UPP2: variants seen among roughly 807,000 people sequenced by gnomAD.
UPP2 encodes uridine phosphorylase 2.
A neutral mutation model predicts 26.7 loss-of-function variants in UPP2; 23 were observed. That is an observed-to-expected ratio of 0.86 (90% confidence interval 0.62 to 1.22). The LOEUF is 1.22. UPP2 is among the 50% of genes most tolerant of loss of function. UPP2 has a pLI of 0.00. For missense variants in UPP2, 387 were observed against 396.7 expected, an observed-to-expected ratio of 0.98 and a Z score of 0.21; for synonymous variants, 127 against 141.3, an observed-to-expected ratio of 0.90 and a Z score of 0.72.
At chr2:158,023,633 G>A (rs142601175) in intron 3 of UPP2, among the ~76,000 whole-genome samples, 1 of 152,224 alleles carries the variant, frequency 6.6e-6, no homozygotes, top group Non-Finnish European at 1.5e-5. Context: ...GGGACATGGA[G>A]CTTTGGGGTG....
intron 2 of UPP2, among the ~76,000 whole-genome samples, chr2:158,111,233 A>G (rs1683313334): frequency 6.6e-6 from 1 of 152,124 alleles, no homozygotes; most frequent in Non-Finnish European, 1.5e-5. Flanking sequence ...GAGTTTATTA[A>G]TACTTTATTT....
intron 2 of UPP2, among the ~76,000 whole-genome samples, chr2:158,013,861 T>C (rs984846172): frequency 1.7e-4 from 26 of 152,214 alleles, no homozygotes; most frequent in Admixed American, 1.6e-3. Flanking sequence ...CCAGGGGTTT[T>C]GTTTTCTTGT....
intron 2 of UPP2, among the ~76,000 whole-genome samples, chr2:157,996,739 C>A (rs1683329447): frequency 6.6e-6 from 1 of 152,010 alleles, no homozygotes; most frequent in Non-Finnish European, 1.5e-5. Context: ...CTTTAGGGGA[C>A]ACATATCGAT....
At chr2:158,120,368 A>G (rs1171110783) in intron 4 of UPP2, among the ~76,000 whole-genome samples, 2 of 152,088 alleles carry the variant, frequency 1.3e-5, no homozygotes, top group Non-Finnish European at 1.5e-5. Context: ...CAAAGACAGG[A>G]TTTGGTTTAT....
chr2:158,123,301 G>T lies in UPP2; in HGVS notation c.665-448G>T, dbSNP rs142014002. 1.7e-3 allele frequency among the ~76,000 whole-genome samples: 260 copies of T among 152,216 alleles called. 2 individuals are homozygous for T. Among genetic ancestry groups the T allele is most frequent in the African/African-American group, 5.9e-3 (243 of 41,532 alleles). On this transcript the variant is annotated intron_variant, in intron 5 of 6. Coordinates refer to ENST00000005756, the MANE Select transcript of UPP2 (RefSeq NM_173355.4). Reference sequence around the variant, plus strand: ...ATGTCGCAAAGGCATATGGAGAGGCGCAATGTCCAAACACTGTCCTGATCC... The same window carrying T: ...ATGTCGCAAAGGCATATGGAGAGGCTCAATGTCCAAACACTGTCCTGATCC...
chr2:158,088,833 C>A (rs1047632764), intron 3 of UPP2, among the ~76,000 whole-genome samples: 1 of 152,208 alleles, frequency 6.6e-6, no homozygotes, highest in African/African-American at 2.4e-5. Flanking sequence ...TGATGTGGAC[C>A]GTCTTCAGGT....
intron 4 of UPP2, among the ~76,000 whole-genome samples, chr2:158,118,882 A>G (rs1315293125): frequency 6.6e-6 from 1 of 152,072 alleles, no homozygotes; most frequent in Non-Finnish European, 1.5e-5. Context: ...GAAATCAGAC[A>G]TGTTGGAAAA....
intron 3 of UPP2, among the ~76,000 whole-genome samples, chr2:158,063,472 T>C (rs1476677344): frequency 6.6e-6 from 1 of 152,194 alleles, no homozygotes; most frequent in African/African-American, 2.4e-5. Flanking sequence ...TGGTAGAGTC[T>C]GGTGTTCCCA....
At chr2:158,025,028 C>A (rs1320212389) in intron 3 of UPP2, among the ~76,000 whole-genome samples, 1 of 151,742 alleles carries the variant, frequency 6.6e-6, no homozygotes, top group Non-Finnish European at 1.5e-5. Context: ...ATGGTGAAAC[C>A]CCGTCTCTAC....
At chr2:158,049,672 C>T (rs1030025691) in intron 3 of UPP2, among the ~76,000 whole-genome samples, 7 of 152,204 alleles carry the variant, frequency 4.6e-5, no homozygotes, top group South Asian at 2.1e-4. Context: ...GGAGGAGGAG[C>T]GCCAGGCACT....
chr2:158,112,532 C>T (rs1253555312), intron 2 of UPP2, among the ~76,000 whole-genome samples: 1 of 151,842 alleles, frequency 6.6e-6, no homozygotes, highest in African/African-American at 2.4e-5. Context: ...ATCTTTGTGA[C>T]CTTGGATTAG....
chr2:158,009,404 C>A (rs1683542532), intron 2 of UPP2, among the ~76,000 whole-genome samples: 1 of 152,126 alleles, frequency 6.6e-6, no homozygotes, highest in Non-Finnish European at 1.5e-5. Flanking sequence ...CAGAAAGAAA[C>A]CCTTACATAG....
rs906809089 is a variant in UPP2, at chr2:158,117,921, G to T, written c.437G>T (p.Gly146Val). The T allele has an allele frequency of 6.2e-7, 1 of 1,610,592 alleles. No homozygotes were observed. Reference sequence around the variant, plus strand: ...TGCGATGTCACCATTATTAGAATCGGTACATCAGGGGGAATAGGTGAGACG... The same window carrying T: ...TGCGATGTCACCATTATTAGAATCGTTACATCAGGGGGAATAGGTGAGACG... ...RCCDVTIIRI[G>V]TSGGIGIAPG... Residue 146 changes from glycine (G) to valine (V), a missense_variant, in exon 4 of 7, where the codon GGT becomes GTT. By Grantham distance (109) the Gly-to-Val change is moderately radical. Coordinates refer to ENST00000005756, the MANE Select transcript of UPP2 (RefSeq NM_173355.4).
chr2:158,106,756 A>G (rs559674744), intron 2 of UPP2, among the ~76,000 whole-genome samples: 4 of 152,266 alleles, frequency 2.6e-5, no homozygotes, highest in South Asian at 2.1e-4. Context: ...TTTATCTGAC[A>G]TATTTTAATT....
intron 3 of UPP2, among the ~76,000 whole-genome samples, chr2:158,081,746 T>C (rs558159757): frequency 6.5e-4 from 99 of 151,960 alleles, no homozygotes; most frequent in African/African-American, 2.2e-3. Context: ...TTTGGGGAGC[T>C]AAAAATTAAA....
At chr2:157,995,781 T>C (rs1208057761) in intron 2 of UPP2, among the ~76,000 whole-genome samples, 1 of 152,140 alleles carries the variant, frequency 6.6e-6, no homozygotes, top group East Asian at 1.9e-4. Context: ...ATCTGGATTT[T>C]TTCCTACTTA....
chr2:158,052,604 G>A (rs887098780), intron 3 of UPP2, among the ~76,000 whole-genome samples: 1 of 152,172 alleles, frequency 6.6e-6, no homozygotes, highest in Non-Finnish European at 1.5e-5. Context: ...CCATATATTA[G>A]CTCTGTCACT....
chr2:158,099,843 C>A (rs368489671), upstream of UPP2, among the ~76,000 whole-genome samples: 275 of 152,282 alleles, frequency 1.8e-3, 4 homozygotes, highest in South Asian at 0.025. Flanking sequence ...TCAGGCAAGA[C>A]ACCATGGAGC....
At chr2:158,088,711 G>A (rs1313496395) in intron 3 of UPP2, among the ~76,000 whole-genome samples, 2 of 152,204 alleles carry the variant, frequency 1.3e-5, no homozygotes, top group Non-Finnish European at 2.9e-5. Context: ...CTCTAGGGAT[G>A]TGGCTTCCTA....
Sources: gnomAD v4.1 joint callset for allele counts (sites outside exome capture counted in the v4.1 genomes callset) on GRCh38, gnomAD v4.1.1 for gene constraint, MANE v1.5 for transcripts, NCBI Gene and HGNC (gene_info 2026-07-23, HGNC 2026-07-21) for gene names.